The following RBPMS variants were observed in gnomAD, a reference collection of about 807,000 sequenced individuals.
RBPMS encodes the protein RNA binding protein, mRNA processing factor.
RBPMS carries 7 observed loss-of-function variants against 26.8 expected under a neutral mutation model. The observed-to-expected ratio is 0.26, with a 90% CI of 0.15 to 0.49. The LOEUF (loss-of-function observed/expected upper bound fraction) is 0.49, where lower values mean the gene tolerates loss of function less well. RBPMS is among the 20% of genes least tolerant of loss of function. The probability of loss-of-function intolerance (pLI) is 0.98; values close to 1 mark genes in which losing one functional copy is unlikely to be tolerated. For missense variants in RBPMS, 186 were observed against 250.0 expected, an observed-to-expected ratio of 0.74 and a Z score of 1.73; for synonymous variants, 96 against 93.3, an observed-to-expected ratio of 1.03 and a Z score of -0.17.
intron 1 of RBPMS, among the ~76,000 whole-genome samples, chr8:30,453,116 G>A (rs549237748): frequency 2.0e-4 from 30 of 152,218 alleles, no homozygotes; most frequent in African/African-American, 7.0e-4. Flanking sequence ...CCTTGTTAAC[G>A]AGGCAAATTC....
chr8:30,570,127 C>A (rs1554549779), intron 8 of RBPMS, among the ~76,000 whole-genome samples: 1 of 152,196 alleles, frequency 6.6e-6, no homozygotes, highest in Non-Finnish European at 1.5e-5. Flanking sequence ...CCTAAATATT[C>A]TCATTTCAGG....
chr8:30,558,427 G>A (rs1026686685), intron 6 of RBPMS: 11 of 207,772 alleles, frequency 5.3e-5, no homozygotes, highest in Admixed American at 2.1e-4. Context: ...GAATAGAATC[G>A]CAAAGTAGTC....
At chr8:30,464,303 C>T (rs773615301) in intron 1 of RBPMS, among the ~76,000 whole-genome samples, 5 of 152,124 alleles carry the variant, frequency 3.3e-5, no homozygotes, top group Non-Finnish European at 7.4e-5. Flanking sequence ...CTGGGATGCT[C>T]ACCATCATAT....
At chr8:30,445,042 G>A (rs1180037722) in intron 1 of RBPMS, among the ~76,000 whole-genome samples, 1 of 152,064 alleles carries the variant, frequency 6.6e-6, no homozygotes, top group Non-Finnish European at 1.5e-5. Context: ...TGGCTTCTGA[G>A]TTGAGGACTG....
At chr8:30,472,035 T>C (rs1055852981) in intron 1 of RBPMS, among the ~76,000 whole-genome samples, 1 of 152,200 alleles carries the variant, frequency 6.6e-6, no homozygotes, top group African/African-American at 2.4e-5. Flanking sequence ...ATACCTTTCA[T>C]ATATAGGCAT....
rs1333214633 is a variant in RBPMS, at chr8:30,511,637, G to GTA, written c.397+7206_397+7207dup. 2.6e-4 allele frequency among the ~76,000 whole-genome samples: 39 copies of GTA among 148,298 alleles called. 1 individual carries two copies. In the East Asian group the frequency reaches 7.1e-3, roughly 27 times the overall value. ...TATTTGTATATATATGTGTGTGTGT[G>GTA]TATATAGATACACATATATATATAC... On this transcript the variant is annotated intron_variant, in intron 5 of 8. Coordinates refer to ENST00000397323, the MANE Select transcript of RBPMS (RefSeq NM_001008710.3).
At chr8:30,545,190 G>A in intron 6 of RBPMS, 2 of 1,294,832 alleles carry the variant, frequency 1.5e-6, no homozygotes, top group Non-Finnish European at 2.0e-6. Flanking sequence ...GGAGATACAA[G>A]ATAGTGTCTA....
Position 30,384,601 on chromosome 8 carries a change from GCGCTCCTCCGCCC to G in RBPMS, c.-482_-470del, listed in dbSNP as rs1230376966. On this transcript the variant is annotated 5_prime_UTR_variant, in exon 1 of 9. Transcript: ENST00000397323. The surrounding 1 kb of genome is among the most constrained non-coding windows in gnomAD (Gnocchi z 5.6). Reference sequence around the variant, plus strand: ...GGTCCCAGCGTCCCAGCCGCGGCCCGCGCTCCTCCGCCCCGCTCCTCCTCCTCCTCTTCCTCCT... The same window carrying G: ...GGTCCCAGCGTCCCAGCCGCGGCCCGCGCTCCTCCTCCTCCTCTTCCTCCT... 1 of 157,256 alleles carries G rather than the reference GCGCTCCTCCGCCC, an allele frequency of 6.4e-6. No homozygotes were observed. Among genetic ancestry groups the G allele is most frequent in the Non-Finnish European group, 1.4e-5 (1 of 71,828 alleles). The allele number at this position is 157,256 out of a possible 1,614,324, so 9.7% of individuals were successfully genotyped here. A position where few individuals can be genotyped will look rare whatever the true frequency, so the allele number is the denominator to read the frequency against.
At chr8:30,432,877 AAAAG>A (rs1812082159) in intron 1 of RBPMS, among the ~76,000 whole-genome samples, 1 of 152,260 alleles carries the variant, frequency 6.6e-6, no homozygotes, top group Non-Finnish European at 1.5e-5. Context: ...AGGAAGCAAC[AAAAG>A]AAAGATCCTT....
intron 7 of RBPMS, among the ~76,000 whole-genome samples, chr8:30,560,605 C>T (rs535834401): frequency 6.6e-6 from 1 of 152,254 alleles, no homozygotes; most frequent in Admixed American, 6.5e-5. Flanking sequence ...CGAGTGTGGC[C>T]AAATAATAAT....
intron 6 of RBPMS, among the ~76,000 whole-genome samples, chr8:30,554,456 C>G (rs969126424): frequency 1.3e-5 from 2 of 152,174 alleles, no homozygotes; most frequent in Non-Finnish European, 2.9e-5. Context: ...CTTCTTGGAG[C>G]CATTACTGTG....
intron 6 of RBPMS, chr8:30,544,986 G>A: frequency 2.8e-6 from 4 of 1,452,394 alleles, no homozygotes; most frequent in Non-Finnish European, 3.6e-6. Context: ...GCAGAGGAAG[G>A]TGTGTGCTAG....
intron 1 of RBPMS, among the ~76,000 whole-genome samples, chr8:30,393,514 T>C (rs1054772986): frequency 6.6e-6 from 1 of 152,082 alleles, no homozygotes; most frequent in African/African-American, 2.4e-5. Context: ...GTGGGTTATA[T>C]TTTCATTTTC....
intron 5 of RBPMS, among the ~76,000 whole-genome samples, chr8:30,524,571 T>C (rs1316064216): frequency 6.6e-6 from 1 of 152,144 alleles, no homozygotes; most frequent in African/African-American, 2.4e-5. Context: ...TTACCCCTCT[T>C]CATTTTTTGA....
At chr8:30,409,189 G>A (rs575590547) in intron 1 of RBPMS, among the ~76,000 whole-genome samples, 19 of 150,284 alleles carry the variant, frequency 1.3e-4, no homozygotes, top group African/African-American at 3.7e-4. Flanking sequence ...TGCCTAGAGC[G>A]TTTTCTCTTT....
intron 1 of RBPMS, among the ~76,000 whole-genome samples, chr8:30,409,946 T>G (rs1355671772): frequency 6.6e-6 from 1 of 152,150 alleles, no homozygotes; most frequent in African/African-American, 2.4e-5. Context: ...TATATTCTTT[T>G]ATGTGTCTAC....
intron 1 of RBPMS, among the ~76,000 whole-genome samples, chr8:30,416,517 C>G (rs1810093505): frequency 6.6e-6 from 1 of 152,046 alleles, no homozygotes; most frequent in Admixed American, 6.6e-5. Context: ...GAGTCTCGCT[C>G]TGTTGCCCAG....
intron 6 of RBPMS, among the ~76,000 whole-genome samples, chr8:30,550,489 C>T (rs1826264972): frequency 6.6e-6 from 1 of 152,164 alleles, no homozygotes; most frequent in Admixed American, 6.5e-5. Flanking sequence ...GAGAAGGAAG[C>T]CCAGGACTAA....
At chr8:30,559,493 C>G (rs1827264794) in intron 7 of RBPMS, among the ~76,000 whole-genome samples, 1 of 152,254 alleles carries the variant, frequency 6.6e-6, no homozygotes, top group Admixed American at 6.5e-5. Flanking sequence ...AAGCACTATC[C>G]TAAATGGGCA....
Sources: allele counts gnomAD v4.1 joint callset (sites outside exome capture counted in the v4.1 genomes callset), GRCh38; gene constraint gnomAD v4.1.1; non-coding constraint Gnocchi (gnomAD v3.1); transcripts MANE v1.5; gene names NCBI Gene and HGNC (gene_info 2026-07-23, HGNC 2026-07-21).